The following EPC1 variants were observed in gnomAD, a reference collection of about 807,000 sequenced individuals.
The protein encoded by EPC1 is enhancer of polycomb 1, also known as enhancer of polycomb homolog 1.
Under a neutral mutation model 98.4 loss-of-function variants are expected in EPC1, and 12 were observed. The observed-to-expected ratio is 0.12, with a 90% CI of 0.08 to 0.20. The LOEUF (loss-of-function observed/expected upper bound fraction) is 0.20. EPC1 is among the 10% of genes least tolerant of loss of function. EPC1 has a pLI of 1.00. For synonymous variants in EPC1, 357 were observed against 363.9 expected, an observed-to-expected ratio of 0.98 and a Z score of 0.21; for missense variants, 729 against 990.5, an observed-to-expected ratio of 0.74 and a Z score of 3.54.
rs1351967128 is a variant in EPC1, at chr10:32,286,842, G to C, written c.1243C>G (p.Pro415Ala). ...CAGTTGCCAGTTTGGTCTAAGTGAG[G>C]CTTAAAAAAAAAAATCCAAATTATT... The part of the protein sequence containing the change: ...RRKAGCQYYA[P>A]HLDQTGNWPW... The change falls in exon 9 of 14, where the codon CCT becomes GCT. Residue 415 changes from proline to alanine, a missense_variant and splice_region_variant. Physicochemically the swap from Pro to Ala is conservative, Grantham distance 27 (BLOSUM62 -1). Transcript: ENST00000319778. The C allele has an allele frequency of 2.5e-6, 4 of 1,605,834 alleles. No individual in the cohort carries two copies. The highest frequency in any genetic ancestry group is 3.4e-6 in the Non-Finnish European group (4 of 1,177,888).
intron 1 of EPC1, among the ~76,000 whole-genome samples, chr10:32,337,155 G>T (rs1164546993): frequency 6.6e-6 from 1 of 152,080 alleles, no homozygotes; most frequent in Non-Finnish European, 1.5e-5. Context: ...TGATTCTTTT[G>T]AGGCTAGTAC....
intron 1 of EPC1, among the ~76,000 whole-genome samples, chr10:32,312,289 A>C (rs1836284683): frequency 6.6e-6 from 1 of 152,202 alleles, no homozygotes; most frequent in Admixed American, 6.5e-5. Context: ...TAGTAAATGG[A>C]CCACACTTTA....
intron 11 of EPC1, 94 bp from the exon 12 acceptor site, chr10:32,272,261 A>C (rs1459140814): frequency 1.0e-5 from 11 of 1,085,466 alleles, no homozygotes. Context: ...GTTTGAATAT[A>C]AGTAAAAATG....
intron 1 of EPC1, among the ~76,000 whole-genome samples, chr10:32,333,169 C>T (rs547496821): frequency 3.3e-5 from 5 of 152,100 alleles, no homozygotes; most frequent in East Asian, 1.9e-4. Flanking sequence ...GGCGAAACCC[C>T]GTCTCTACTA....
At chr10:32,340,639 A>G (rs2479347) in intron 1 of EPC1, among the ~76,000 whole-genome samples, 99,339 of 151,960 alleles carry the variant, frequency 0.65, 32,916 homozygotes, top group Middle Eastern at 0.78. Context: ...AGAACAGCCC[A>G]GGCAACATGG....
At chr10:32,321,670 C>T (rs529043100) in intron 1 of EPC1, among the ~76,000 whole-genome samples, 1 of 151,850 alleles carries the variant, frequency 6.6e-6, no homozygotes, top group Non-Finnish European at 1.5e-5. Flanking sequence ...TCACTATGTT[C>T]AGACCCTTTA....
chr10:32,270,256 T>C lies in EPC1; in HGVS notation c.2370-1121A>G, dbSNP rs1484522378. Among the ~76,000 whole-genome samples, 3 of 152,246 alleles carry C rather than the reference T, an allele frequency of 2.0e-5. No individual in the cohort carries two copies. The South Asian group carries it at 6.2e-4, about 31-fold the overall frequency. On this transcript the variant is annotated intron_variant, in intron 13 of 13. Coordinates refer to ENST00000319778, the MANE Select transcript of EPC1 (RefSeq NM_001272004.3). ...CTATACAATTAATTTAACAAGTATA[T>C]AATGCTTTGTGATATCTACAATTAG...
At chr10:32,322,070 G>A (rs546495181) in intron 1 of EPC1, among the ~76,000 whole-genome samples, 2 of 146,758 alleles carry the variant, frequency 1.4e-5, no homozygotes, top group African/African-American at 5.1e-5. Flanking sequence ...TAATGTCCAG[G>A]CATCCTAGAT....
At chr10:32,286,499 TAG>T (rs1592548026) in intron 9 of EPC1, 193 bp downstream of exon 9, 1 of 623,950 alleles carries the variant, frequency 1.6e-6, no homozygotes, top group African/African-American at 1.8e-5. Context: ...AGGGACCCAA[TAG>T]AGTTATGTCA....
chr10:32,346,732 C>T (rs1011020088), intron 1 of EPC1, 31 bp downstream of exon 1: 1 of 1,601,678 alleles, frequency 6.2e-7, no homozygotes, highest in Non-Finnish European at 8.5e-7. Flanking sequence ...GCGGGCCTGA[C>T]GGTGGGTCGG....
chr10:32,274,274 T>C (rs1835974530), intron 10 of EPC1, among the ~76,000 whole-genome samples: 1 of 152,154 alleles, frequency 6.6e-6, no homozygotes, highest in Admixed American at 6.5e-5. Flanking sequence ...AATCTATAAA[T>C]CATGCACATT....
At chr10:32,367,256 G>C (rs1015716776) in intron 1 of EPC1, among the ~76,000 whole-genome samples, 8 of 152,182 alleles carry the variant, frequency 5.3e-5, no homozygotes, top group African/African-American at 1.9e-4. Flanking sequence ...CTCCCAAAGT[G>C]CTGGGATTAC....
At position 32,287,086 on chromosome 10, in the gene EPC1, T is replaced by C; in HGVS notation, c.1152+12A>G. The C allele has an allele frequency of 1.2e-6, 2 of 1,614,090 alleles. No individual in the cohort carries two copies. Among genetic ancestry groups the C allele is most frequent in the Middle Eastern group, 1.6e-4 (1 of 6,062 alleles). ...ATCCCTCCTCAATGTTCATAGAGAATTGTATTTGTACCTGGGAGAGAGGTT... is the reference window on the plus strand; with the variant it reads ...ATCCCTCCTCAATGTTCATAGAGAACTGTATTTGTACCTGGGAGAGAGGTT... On this transcript the variant is annotated intron_variant, in intron 7 of 13. Coordinates refer to ENST00000319778, the MANE Select transcript of EPC1 (RefSeq NM_001272004.3).
chr10:32,304,929 AAAAAAAAG>A (rs1439304333), intron 2 of EPC1, among the ~76,000 whole-genome samples: 17 of 151,908 alleles, frequency 1.1e-4, no homozygotes, highest in East Asian at 1.9e-4. Context: ...AAAAAAAAAA[AAAAAAAAG>A]AAAAAAGAAA....
intron 1 of EPC1, among the ~76,000 whole-genome samples, chr10:32,334,764 G>C (rs904167266): frequency 6.6e-6 from 1 of 152,128 alleles, no homozygotes; most frequent in African/African-American, 2.4e-5. Flanking sequence ...TGTTTTGTAA[G>C]GTGGGGTTTA....
intron 1 of EPC1, among the ~76,000 whole-genome samples, chr10:32,336,131 C>T (rs568658528): frequency 3.3e-5 from 5 of 150,610 alleles, no homozygotes; most frequent in South Asian, 2.1e-4. Context: ...TGCAATGGCA[C>T]GATCTCGGCT....
intron 1 of EPC1, among the ~76,000 whole-genome samples, chr10:32,340,584 C>T (rs1838277840): frequency 1.3e-5 from 2 of 152,198 alleles, no homozygotes; most frequent in Admixed American, 6.5e-5. Flanking sequence ...AATCTCAGCA[C>T]TTTGGGAGAC....
At chr10:32,362,812 T>A (rs1839481725) in intron 1 of EPC1, among the ~76,000 whole-genome samples, 1 of 152,112 alleles carries the variant, frequency 6.6e-6, no homozygotes, top group Non-Finnish European at 1.5e-5. Flanking sequence ...CATGTGCCAT[T>A]CATGTTAGGC....
chr10:32,272,685 A>C (rs1835900360), intron 11 of EPC1, among the ~76,000 whole-genome samples: 1 of 152,214 alleles, frequency 6.6e-6, no homozygotes, highest in South Asian at 2.1e-4. Context: ...AGGCCCCTCA[A>C]CTTTTTAAAA....
Sources: allele counts gnomAD v4.1 joint callset (sites outside exome capture counted in the v4.1 genomes callset), GRCh38; gene constraint gnomAD v4.1.1; transcripts MANE v1.5; gene names NCBI Gene and HGNC (gene_info 2026-07-23, HGNC 2026-07-21).